The following EML5 variants were observed in gnomAD, a reference collection of about 807,000 sequenced individuals.
EML5 encodes the protein echinoderm microtubule-associated protein-like 5.
EML5 carries 120 observed loss-of-function variants against 250.0 expected under a neutral mutation model. The observed-to-expected ratio is 0.48, with a 90% CI of 0.41 to 0.56. EML5 has a LOEUF of 0.56. Among genes scored for constraint, EML5 ranks in the 20% least tolerant of loss-of-function variants. The pLI is 0.00. For synonymous variants in EML5, 771 were observed against 806.5 expected, an observed-to-expected ratio of 0.96 and a Z score of 0.75; for missense variants, 2,006 against 2,437.6, an observed-to-expected ratio of 0.82 and a Z score of 3.73.
intron 36 of EML5, chr14:88,623,252 G>C (rs1191429223): frequency 1.3e-5 from 2 of 152,138 alleles, no homozygotes; most frequent in East Asian, 3.9e-4. Flanking sequence ...CTTGACCTCA[G>C]GTGATCTGCC....
chr14:88,690,339 C>T (rs2092928325), intron 17 of EML5, among the ~76,000 whole-genome samples: 1 of 152,142 alleles, frequency 6.6e-6, no homozygotes, highest in Non-Finnish European at 1.5e-5. Context: ...AGAATAGATA[C>T]AAGGGAGGTC....
intron 10 of EML5, 72 bp from the exon 11 acceptor site, chr14:88,706,498 T>A: frequency 8.8e-7 from 1 of 1,135,936 alleles, no homozygotes; most frequent in East Asian, 2.7e-5. Context: ...AATTTTTATA[T>A]ATGAACCACT....
At chr14:88,740,366 A>C in intron 5 of EML5, 21 bp downstream of exon 5, 1 of 1,587,060 alleles carries the variant, frequency 6.3e-7, no homozygotes, top group African/African-American at 1.3e-5. Context: ...GAAAGTGTTT[A>C]AAATACTTAA....
chr14:88,639,092 C>A (rs1394246714), intron 31 of EML5, among the ~76,000 whole-genome samples, 185 bp from the exon 32 acceptor site: 1 of 152,066 alleles, frequency 6.6e-6, no homozygotes, highest in Non-Finnish European at 1.5e-5. Context: ...TGGGATAGAG[C>A]CGTAAAAGGG....
At chr14:88,664,903 T>TA (rs2092261263) in intron 22 of EML5, among the ~76,000 whole-genome samples, 1 of 152,182 alleles carries the variant, frequency 6.6e-6, no homozygotes, top group Admixed American at 6.5e-5. Context: ...AAACTCCCTC[T>TA]AAATTTAGAA....
intron 1 of EML5, among the ~76,000 whole-genome samples, chr14:88,768,292 G>A (rs2094346160): frequency 6.6e-6 from 1 of 152,148 alleles, no homozygotes; most frequent in Non-Finnish European, 1.5e-5. Flanking sequence ...AGTATGCTAG[G>A]GGAGATACTG....
chr14:88,767,427 T>G (rs2094335264), intron 1 of EML5, among the ~76,000 whole-genome samples: 1 of 152,112 alleles, frequency 6.6e-6, no homozygotes, highest in Non-Finnish European at 1.5e-5. Context: ...CTCCCAGAGG[T>G]CCCTTTTCAT....
chr14:88,687,755 T>C (rs2092866419), intron 18 of EML5, among the ~76,000 whole-genome samples: 1 of 143,638 alleles, frequency 7.0e-6, no homozygotes, highest in South Asian at 2.3e-4. Context: ...AGTTAAACTT[T>C]AAAAAAAAAC....
intron 35 of EML5, 76 bp from the exon 36 acceptor site, chr14:88,625,203 A>G (rs1340055617): frequency 2.6e-6 from 4 of 1,512,728 alleles, no homozygotes; most frequent in Non-Finnish European, 3.6e-6. Context: ...TTTTCTATGT[A>G]TGTGTAATGC....
chr14:88,685,272 C>G, intron 19 of EML5, 130 bp from the exon 20 acceptor site: 1 of 678,678 alleles, frequency 1.5e-6, no homozygotes, highest in South Asian at 3.1e-5. Context: ...TTTAAGTATT[C>G]TAATAAATGT....
intron 27 of EML5, among the ~76,000 whole-genome samples, chr14:88,652,898 A>G (rs142854919): frequency 4.6e-5 from 7 of 152,248 alleles, no homozygotes; most frequent in Non-Finnish European, 8.8e-5. Context: ...CAGTATGGCC[A>G]TTTTCACGAT....
At chr14:88,729,080 AAACAC>A (rs991553172) in intron 7 of EML5, among the ~76,000 whole-genome samples, 19 of 144,016 alleles carry the variant, frequency 1.3e-4, no homozygotes, top group African/African-American at 4.8e-4. Context: ...CTATATATAT[AAACAC>A]ATCATATATA....
At position 88,615,826 on chromosome 14, in the gene EML5, G is replaced by C. The variant is rs200604070; in HGVS notation, c.5926C>G (p.Pro1976Ala). Residue 1976 changes from proline (P) to alanine (A), a missense_variant, in exon 44 of 44, where the codon CCT becomes GCT. Coordinates refer to ENST00000554922, the MANE Select transcript of EML5 (RefSeq NM_183387.3). The part of the protein sequence containing the change: ...SLFVWKCVHT[P>A]H ...AGTCATCTCAGCATCTCTCAGTGAGGTGTATGTACACATTTCCAGACAAAT... is the reference window on the plus strand; with the variant it reads ...AGTCATCTCAGCATCTCTCAGTGAGCTGTATGTACACATTTCCAGACAAAT... 5.0e-6 allele frequency: 8 copies of C among 1,611,850 alleles called. No homozygotes were observed. Among genetic ancestry groups the C allele is most frequent in the Non-Finnish European group, 5.9e-6 (7 of 1,179,010 alleles).
chr14:88,737,084 C>A (rs1413843739), intron 6 of EML5, among the ~76,000 whole-genome samples: 1 of 152,064 alleles, frequency 6.6e-6, no homozygotes, highest in Non-Finnish European at 1.5e-5. Flanking sequence ...CTGCCAGCTG[C>A]CAGTATAACT....
intron 1 of EML5, among the ~76,000 whole-genome samples, chr14:88,757,647 CA>C (rs2094179204): frequency 6.6e-6 from 1 of 151,968 alleles, no homozygotes; most frequent in Admixed American, 6.6e-5. Flanking sequence ...TCCAATTTTT[CA>C]AACAAATAAA....
chr14:88,743,899 C>A, intron 4 of EML5, 124 bp downstream of exon 4: 2 of 494,662 alleles, frequency 4.0e-6, no homozygotes, highest in Middle Eastern at 4.4e-4. Flanking sequence ...ACAATAAAAA[C>A]ATTGCCATTT....
At chr14:88,777,362 G>C (rs2094456629) in intron 1 of EML5, among the ~76,000 whole-genome samples, 1 of 152,144 alleles carries the variant, frequency 6.6e-6, no homozygotes, top group African/African-American at 2.4e-5. Flanking sequence ...ACATGAAGGA[G>C]AAACAAAGAC....
intron 21 of EML5, among the ~76,000 whole-genome samples, chr14:88,670,833 T>C (rs1461550218): frequency 6.6e-6 from 1 of 151,344 alleles, no homozygotes; most frequent in Non-Finnish European, 1.5e-5. Context: ...TTGAAGACTA[T>C]CTTGCTGAAA....
intron 7 of EML5, among the ~76,000 whole-genome samples, chr14:88,730,059 T>C (rs2093731465): frequency 6.6e-6 from 1 of 152,152 alleles, no homozygotes; most frequent in Admixed American, 6.5e-5. Flanking sequence ...CTATCTGTAT[T>C]ACCATATAGT....
Sources: allele counts gnomAD v4.1 joint callset (sites outside exome capture counted in the v4.1 genomes callset), GRCh38; gene constraint gnomAD v4.1.1; transcripts MANE v1.5; gene names NCBI Gene and HGNC (gene_info 2026-07-23, HGNC 2026-07-21).